The following A3GALT2 variants were observed in gnomAD, a reference collection of about 807,000 sequenced individuals.
A3GALT2 encodes the protein alpha 1,3-galactosyltransferase 2.
A3GALT2 carries 14 observed loss-of-function variants against 16.6 expected under a neutral mutation model. The ratio of observed to expected loss-of-function variants is 0.84; its 90% CI spans 0.56 to 1.32. A3GALT2 has a LOEUF of 1.32. Ranked by LOEUF, A3GALT2 falls within the 40% of genes most tolerant of loss-of-function variation. The probability of loss-of-function intolerance (pLI) is 0.00; values close to 1 mark genes in which losing one functional copy is unlikely to be tolerated. For synonymous variants in A3GALT2, 253 were observed against 218.0 expected (o/e 1.16, Z -1.42); for missense variants, 600 against 490.9 (o/e 1.22, Z -2.10).
At position 33,312,151 on chromosome 1, in the gene A3GALT2, GC is replaced by G. The variant is rs770563385; in HGVS notation, c.235del (p.Ala79LeufsTer27). 2.5e-6 allele frequency: 4 copies of G among 1,613,524 alleles called. No homozygotes were observed. Among genetic ancestry groups the G allele is most frequent in the Middle Eastern group, 3.3e-4 (2 of 6,062 alleles). On this transcript the variant is annotated frameshift_variant, in exon 4 of 5. Coordinates refer to ENST00000442999, the MANE Select transcript of A3GALT2 (RefSeq NM_001080438.1). LOFTEE classifies it high-confidence loss of function. ...GAAAGAGCCATCCCAAATAATGGGAGCCCCCCAGGGGGTACAGGTCAGAACT... is the reference window on the plus strand; with the variant it reads ...GAAAGAGCCATCCCAAATAATGGGAGCCCCCAGGGGGTACAGGTCAGAACT... ...PEVLTCTPWG[A>X]PIIWDGSFDP...
chr1:33,308,508 C>G (rs1214818997), intron 4 of A3GALT2, among the ~76,000 whole-genome samples: 1 of 152,066 alleles, frequency 6.6e-6, no homozygotes, highest in Non-Finnish European at 1.5e-5. Context: ...CGGCTTCAAG[C>G]GATTCTCCTG....
In A3GALT2 at chr1:33,307,325, C is replaced by G. The variant is rs1356080221; in HGVS notation, c.464G>C (p.Gly155Ala). The G allele has an allele frequency of 6.6e-7, 1 of 1,516,900 alleles. No homozygotes were observed. The highest frequency in any genetic ancestry group is 8.8e-7 in the Non-Finnish European group (1 of 1,141,792). The allele number at this position is 1,516,900 out of a possible 1,614,324, so 94.0% of individuals were successfully genotyped here. A position where few individuals can be genotyped will look rare whatever the true frequency, so the allele number is the denominator to read the frequency against. ...GAVPRVALGPGRRLPVERVAR... is the reference protein window; with the variant it reads ...GAVPRVALGPARRLPVERVAR... The stretch of plus-strand genomic sequence containing the variant: ...CACGCGCTCCACGGGCAGCCGGCGT[C>G]CCGGGCCCAGCGCCACGCGGGGCAC... The change falls in exon 5 of 5, where the codon GGA becomes GCA. Residue 155 changes from glycine to alanine, a missense_variant. Coordinates refer to ENST00000442999, the MANE Select transcript of A3GALT2 (RefSeq NM_001080438.1).
rs765684071 is a variant in A3GALT2, at chr1:33,320,621, C to T, written c.23+455G>A. ...CCCTCAAGCTCCACCCTGTGCCCTG[C>T]TCCCCACTCTCGTTGGCTTCAAGAA... On this transcript the variant is annotated intron_variant, in intron 1 of 4. Transcript: ENST00000442999. This position sits in a 1 kb window ranked among gnomAD's most constrained non-coding sequence, Gnocchi z 4.3. Among the ~76,000 whole-genome samples the T allele has an allele frequency of 1.3e-5, 2 of 152,044 alleles. No individual in the cohort carries two copies. The highest frequency in any genetic ancestry group is 2.9e-5 in the Non-Finnish European group (2 of 68,034).
At position 33,307,244 on chromosome 1, in the gene A3GALT2, G is replaced by A. The variant is rs761519663; in HGVS notation, c.545C>T (p.Ala182Val). 4.1e-6 allele frequency: 6 copies of A among 1,480,834 alleles called. No homozygotes were observed. The highest frequency in any genetic ancestry group is 4.9e-5 in the Admixed American group (2 of 41,098). 91.7% of individuals were successfully genotyped at this position (1,480,834 alleles called of 1,614,324 possible). The change falls in exon 5 of 5, where the codon GCG becomes GTG. Residue 182 changes from alanine to valine, a missense_variant. By Grantham distance (64) the Ala-to-Val change is moderately conservative. Coordinates refer to ENST00000442999, the MANE Select transcript of A3GALT2 (RefSeq NM_001080438.1). ...GCGGCCCGGCAGCCCGCCCAGCGCC[G>A]CGTGCAACGTGCGCATGCGCGCCAT... ...VSMARMRTLHAALGGLPGREA... is the reference protein window; with the variant it reads ...VSMARMRTLHVALGGLPGREA...
chr1:33,308,760 T>TTTG (rs1557806836), intron 4 of A3GALT2, among the ~76,000 whole-genome samples: 14 of 110,306 alleles, frequency 1.3e-4, no homozygotes, highest in African/African-American at 6.5e-4. Context: ...GTTTTTTTTT[T>TTTG]TTTTTTTTTT....
chr1:33,308,776 T>C (rs1263951308), intron 4 of A3GALT2, among the ~76,000 whole-genome samples: 3 of 129,496 alleles, frequency 2.3e-5, no homozygotes, highest in South Asian at 2.4e-4. Flanking sequence ...TTTTTTTTTT[T>C]TTTTAGTATT....
At chr1:33,315,380 CAAAA>C (rs60385074) in intron 1 of A3GALT2, among the ~76,000 whole-genome samples, 98 of 108,670 alleles carry the variant, frequency 9.0e-4, no homozygotes, top group African/African-American at 3.3e-3. Flanking sequence ...GACTCTGTCT[CAAAA>C]AAAAAAAAAA....
intron 1 of A3GALT2, chr1:33,314,650 C>G (rs1382492550): frequency 2.0e-5 from 3 of 152,866 alleles, no homozygotes; most frequent in Non-Finnish European, 4.4e-5. Flanking sequence ...ACCTGGTCTC[C>G]TTGATCTCTG....
chr1:33,310,539 T>C (rs1646228654), intron 4 of A3GALT2, among the ~76,000 whole-genome samples: 1 of 152,246 alleles, frequency 6.6e-6, no homozygotes, highest in African/African-American at 2.4e-5. Context: ...ACTTTTATCA[T>C]GTGGCAGCCA....
chr1:33,307,375 G>A lies in A3GALT2; in HGVS notation c.414C>T (p.Tyr138=), dbSNP rs775375481. 9.6e-6 allele frequency: 15 copies of A among 1,561,970 alleles called. No individual in the cohort carries two copies. The highest frequency in any genetic ancestry group is 7.1e-5 in the African/African-American group (5 of 70,614). ...HFMAGQSVMY[Y]VFTELPGAVP... The stretch of plus-strand genomic sequence containing the variant: ...CCGCTCCCGGAAGCTCGGTGAACAC[G>A]TAGTACATCACGCTCTGGCCCGCCA... Residue 138 remains tyrosine (Y), a synonymous_variant, in exon 5 of 5, where the codon TAC becomes TAT. Coordinates refer to ENST00000442999, the MANE Select transcript of A3GALT2 (RefSeq NM_001080438.1).
Position 33,306,938 on chromosome 1 carries a change from A to G in A3GALT2, c.851T>C (p.Leu284Pro). 3 of 1,512,508 alleles carry G rather than the reference A, an allele frequency of 2.0e-6. No individual in the cohort carries two copies. Among genetic ancestry groups the G allele is most frequent in the Non-Finnish European group, 1.8e-6 (2 of 1,136,846 alleles). 93.7% of individuals were successfully genotyped at this position (1,512,508 alleles called of 1,614,324 possible). The change falls in exon 5 of 5, where the codon CTG (leucine) becomes CCG (proline). Residue 284 changes from leucine (L) to proline (P), a missense_variant. Coordinates refer to ENST00000442999, the MANE Select transcript of A3GALT2 (RefSeq NM_001080438.1). ...GCTCTCGTCGTGCCAGCGCGCCTCC[A>G]GGCCGCGCGCGCGGTCCCAGTCCAG... ...GGLDWDRARG[L>P]EARWHDESHL... is the part of the protein sequence containing the mutation.
intron 1 of A3GALT2, among the ~76,000 whole-genome samples, chr1:33,316,696 G>A (rs1344885170): frequency 1.3e-5 from 2 of 152,154 alleles, no homozygotes; most frequent in South Asian, 4.1e-4. Flanking sequence ...TTTGAGGGAC[G>A]GGGCTGAGGT....
intron 4 of A3GALT2, among the ~76,000 whole-genome samples, chr1:33,308,757 T>TTTTTTTTTG (rs1646216952): frequency 1.0e-5 from 1 of 98,470 alleles, no homozygotes; most frequent in East Asian, 2.7e-4. Context: ...GTTGTTTTTT[T>TTTTTTTTTG]TTTTTTTTTT....
At chr1:33,312,932 T>C in intron 1 of A3GALT2, 42 bp from the exon 2 acceptor site, 1 of 1,412,950 alleles carries the variant, frequency 7.1e-7, no homozygotes, top group Non-Finnish European at 9.8e-7. Context: ...TTTATATGTA[T>C]AGACACAAAT....
chr1:33,313,037 G>T, intron 1 of A3GALT2, 147 bp from the exon 2 acceptor site: 3 of 687,550 alleles, frequency 4.4e-6, no homozygotes, highest in Non-Finnish European at 7.7e-6. Context: ...TCTTGTGCAG[G>T]GGCATGACCT....
intron 4 of A3GALT2, among the ~76,000 whole-genome samples, chr1:33,310,232 C>CT (rs990544395): frequency 5.3e-5 from 8 of 152,140 alleles, no homozygotes; most frequent in African/African-American, 1.7e-4. Context: ...AGGGAGGTTG[C>CT]AGTGAGCCGA....
intron 1 of A3GALT2, 61 bp downstream of exon 1, chr1:33,321,015 A>G: frequency 4.4e-6 from 7 of 1,580,040 alleles, no homozygotes; most frequent in African/African-American, 1.3e-5. Context: ...ATCAGACTGG[A>G]TCCCTCTTAG....
intron 1 of A3GALT2, among the ~76,000 whole-genome samples, chr1:33,318,374 CT>C (rs1229115137): frequency 2.6e-5 from 4 of 152,018 alleles, no homozygotes; most frequent in Admixed American, 6.6e-5. Flanking sequence ...CTCCGTCCCC[CT>C]ACTCACTCCT....
chr1:33,313,889 G>A (rs1646249188), intron 1 of A3GALT2, among the ~76,000 whole-genome samples: 1 of 152,066 alleles, frequency 6.6e-6, no homozygotes, highest in Non-Finnish European at 1.5e-5. Flanking sequence ...CACAAGCTAA[G>A]CGTTGAGAAC....
Sources: allele counts gnomAD v4.1 joint callset (sites outside exome capture counted in the v4.1 genomes callset), GRCh38; gene constraint gnomAD v4.1.1; non-coding constraint Gnocchi (gnomAD v3.1); transcripts MANE v1.5; gene names NCBI Gene and HGNC (gene_info 2026-07-23, HGNC 2026-07-21).